TBC1D19: variants seen among roughly 807,000 people sequenced by gnomAD.
TBC1D19 encodes the protein TBC1 domain family member 19.
In TBC1D19, 60 loss-of-function variants were observed where a neutral mutation model predicts 89.0. The observed-to-expected ratio is 0.67, with a 90% CI of 0.55 to 0.84. The LOEUF is 0.84. TBC1D19 is among the 40% of genes least tolerant of loss of function. The pLI is 0.00. For missense variants in TBC1D19, 500 were observed against 610.8 expected (o/e 0.82, Z 1.91); for synonymous variants, 189 against 199.7 (o/e 0.95, Z 0.45).
chr4:26,731,448 T>C (rs1193191682), intron 15 of TBC1D19, among the ~76,000 whole-genome samples: 3 of 151,878 alleles, frequency 2.0e-5, no homozygotes, highest in African/African-American at 7.3e-5. Context: ...CACATTTAGG[T>C]ATAAGGGCTA....
the TBC1D19 span, among the ~76,000 whole-genome samples, chr4:26,819,628 A>G: frequency 6.6e-6 from 1 of 152,164 alleles, no homozygotes. Flanking sequence ...TGTGCTCAAC[A>G]TTGTGACCAC....
At chr4:26,839,892 T>A in the TBC1D19 span, among the ~76,000 whole-genome samples, 1 of 152,030 alleles carries the variant, frequency 6.6e-6, no homozygotes, top group Non-Finnish European at 1.5e-5. Flanking sequence ...GTAGGGTGAG[T>A]CACAGGAAGC....
chr4:26,850,920 G>T, the TBC1D19 span, among the ~76,000 whole-genome samples: 1 of 152,146 alleles, frequency 6.6e-6, no homozygotes, highest in Admixed American at 6.5e-5. Context: ...GTGAGTTGGT[G>T]GACTGAGTGG....
At chr4:26,764,813 C>A in the TBC1D19 span, among the ~76,000 whole-genome samples, 2 of 152,192 alleles carry the variant, frequency 1.3e-5, no homozygotes, top group East Asian at 3.9e-4. Context: ...AGTAAAAGTG[C>A]TTCTGAGAGA....
At chr4:26,710,590 C>T (rs1014470395) in intron 13 of TBC1D19, among the ~76,000 whole-genome samples, 1 of 152,134 alleles carries the variant, frequency 6.6e-6, no homozygotes, top group Non-Finnish European at 1.5e-5. Context: ...AGTTCTAGAT[C>T]CCTGAGGAAT....
intron 1 of TBC1D19, among the ~76,000 whole-genome samples, chr4:26,578,514 T>G (rs920061133): frequency 2.6e-5 from 4 of 151,672 alleles, no homozygotes; most frequent in Non-Finnish European, 5.9e-5. Flanking sequence ...CAGGTGGCAA[T>G]GGAGGAAAGC....
At chr4:26,736,893 A>C (rs1156651504) in intron 16 of TBC1D19, among the ~76,000 whole-genome samples, 1 of 152,228 alleles carries the variant, frequency 6.6e-6, no homozygotes, top group Non-Finnish European at 1.5e-5. Context: ...GAATGCAAGA[A>C]GCTTATGAAG....
chr4:26,652,594 G>T (rs1475298015), intron 7 of TBC1D19, among the ~76,000 whole-genome samples: 7 of 152,114 alleles, frequency 4.6e-5, no homozygotes, highest in African/African-American at 1.4e-4. Context: ...TTTAGTCTTG[G>T]GAGGGTGTAT....
At chr4:26,750,779 A>G (rs1240328334) in intron 19 of TBC1D19, among the ~76,000 whole-genome samples, 1 of 152,232 alleles carries the variant, frequency 6.6e-6, no homozygotes, top group Non-Finnish European at 1.5e-5. Context: ...TGGAATTCAG[A>G]TAAAGAATCA....
chr4:26,626,718 A>G (rs905790999), intron 4 of TBC1D19, among the ~76,000 whole-genome samples: 1 of 152,096 alleles, frequency 6.6e-6, no homozygotes, highest in Admixed American at 6.6e-5. Context: ...TTAATTTTGC[A>G]TTACTTCAGT....
At position 26,751,925 on chromosome 4, in the gene TBC1D19, T is replaced by A. The variant is rs377592876; in HGVS notation, c.1436-1895T>A. On this transcript the variant is annotated intron_variant, in intron 19 of 20. Coordinates refer to ENST00000264866, the MANE Select transcript of TBC1D19 (RefSeq NM_018317.4). Reference sequence around the variant, plus strand: ...TTTTAGGAAAGCACACAGATTTTCATGTCAGAGATGAGTAGTTGCTGCTTA... The same window carrying A: ...TTTTAGGAAAGCACACAGATTTTCAAGTCAGAGATGAGTAGTTGCTGCTTA... Among the ~76,000 whole-genome samples, 253 of 152,324 alleles carry A rather than the reference T, an allele frequency of 1.7e-3. 5 individuals are homozygous for A. In the South Asian group the frequency reaches 0.048, roughly 29 times the overall value.
intron 17 of TBC1D19, among the ~76,000 whole-genome samples, chr4:26,741,502 T>A (rs1185153622): frequency 6.6e-6 from 1 of 152,170 alleles, no homozygotes; most frequent in African/African-American, 2.4e-5. Context: ...ACACCCATGG[T>A]GTTCTCCCTG....
chr4:26,752,241 TTC>T (rs1295231441), intron 19 of TBC1D19, among the ~76,000 whole-genome samples: 2 of 149,578 alleles, frequency 1.3e-5, no homozygotes, highest in South Asian at 2.1e-4. Flanking sequence ...GAATATTTCT[TTC>T]TTTTTTTTTT....
the TBC1D19 span, among the ~76,000 whole-genome samples, chr4:26,832,959 A>C: frequency 6.6e-6 from 1 of 152,196 alleles, no homozygotes. Context: ...GAGCTACCGC[A>C]CTCTGGCCTG....
At chr4:26,586,170 G>GTTTTT (rs1560396710) in intron 1 of TBC1D19, among the ~76,000 whole-genome samples, 3 of 135,150 alleles carry the variant, frequency 2.2e-5, no homozygotes, top group African/African-American at 2.9e-5. Context: ...TGCAAGGTAA[G>GTTTTT]CTTTTTTTTT....
At chr4:26,735,966 A>G (rs1718021455) in intron 16 of TBC1D19, among the ~76,000 whole-genome samples, 1 of 147,844 alleles carries the variant, frequency 6.8e-6, no homozygotes, top group Non-Finnish European at 1.5e-5. Context: ...AACTAGTTCA[A>G]CCATTGTGGA....
chr4:26,717,846 GA>G, intron 13 of TBC1D19, 86 bp from the exon 14 acceptor site: 1 of 1,085,606 alleles, frequency 9.2e-7, no homozygotes, highest in Non-Finnish European at 1.4e-6. Context: ...ACTTGAACTT[GA>G]AGGATGCCTC....
At chr4:26,857,752 C>G in the TBC1D19 span, 3 of 152,288 alleles carry the variant, frequency 2.0e-5, no homozygotes, top group African/African-American at 7.2e-5. Flanking sequence ...TCTCCGAGTC[C>G]GAGCTGGCGG....
the TBC1D19 span, among the ~76,000 whole-genome samples, chr4:26,767,600 G>T: frequency 6.6e-6 from 1 of 152,164 alleles, no homozygotes; most frequent in Admixed American, 6.5e-5. Flanking sequence ...TAACAAGATG[G>T]TGGCACTATA....
Sources: allele counts gnomAD v4.1 joint callset (sites outside exome capture counted in the v4.1 genomes callset), GRCh38; gene constraint gnomAD v4.1.1; transcripts MANE v1.5; gene names NCBI Gene and HGNC (gene_info 2026-07-23, HGNC 2026-07-21).